The following HTRA3 variants were observed in gnomAD, a reference collection of about 807,000 sequenced individuals.
The protein encoded by HTRA3 is HtrA serine peptidase 3.
In HTRA3, 41 loss-of-function variants were observed where a neutral mutation model predicts 43.2. That is an observed-to-expected ratio of 0.95 (90% CI 0.74 to 1.23). HTRA3 has a LOEUF of 1.23. Among genes scored for constraint, HTRA3 ranks in the 50% most tolerant of loss-of-function variants. The pLI is 0.00. For synonymous variants in HTRA3, 295 were observed against 287.9 expected, an observed-to-expected ratio of 1.02 and a Z score of -0.25; for missense variants, 628 against 647.1, an observed-to-expected ratio of 0.97 and a Z score of 0.32.
chr4:8,290,317 A>G (rs1314248225), intron 3 of HTRA3, among the ~76,000 whole-genome samples: 1 of 152,218 alleles, frequency 6.6e-6, no homozygotes, highest in African/African-American at 2.4e-5. Flanking sequence ...CTTATTTGAC[A>G]TGATGGTGTA....
intron 3 of HTRA3, among the ~76,000 whole-genome samples, chr4:8,290,088 C>T (rs1436832178): frequency 1.3e-5 from 2 of 152,236 alleles, no homozygotes; most frequent in Admixed American, 6.5e-5. Context: ...GTCATCTCTC[C>T]GGGCCCTCAC....
At chr4:8,288,247 T>C (rs1713071759) in intron 3 of HTRA3, among the ~76,000 whole-genome samples, 1 of 152,138 alleles carries the variant, frequency 6.6e-6, no homozygotes, top group Admixed American at 6.5e-5. Flanking sequence ...CACTGAGGGG[T>C]GTGCTCACGG....
rs534286316 is a variant in HTRA3, at chr4:8,290,183, G to A, written c.709-1187G>A. ...TCTTGAGCACAGAGAATAGAGGAGC[G>A]GCCTGAGTCTTTCCCACACCAGCGC... On this transcript the variant is annotated intron_variant, in intron 3 of 8. Coordinates refer to ENST00000307358, the MANE Select transcript of HTRA3 (RefSeq NM_053044.5). Among the ~76,000 whole-genome samples the A allele has an allele frequency of 2.4e-4, 36 of 152,362 alleles. No individual in the cohort carries two copies. The South Asian group carries it at 5.8e-3, about 25-fold the overall frequency.
In HTRA3 at chr4:8,305,976, G is replaced by A; in HGVS notation, c.1202G>A (p.Gly401Asp). ...CCCGTCTCTCCTGTTGGCAGAGGCG[G>A]CATCCAAGATGGTGACATCATCGTC... ...VAPNSPSQRG[G>D]IQDGDIIVKV... The change falls in exon 9 of 9, where the codon GGC becomes GAC. Residue 401 changes from glycine to aspartate, a missense_variant. Physicochemically the swap from Gly to Asp is moderately conservative, Grantham distance 94. Coordinates refer to ENST00000307358, the MANE Select transcript of HTRA3 (RefSeq NM_053044.5). The A allele has an allele frequency of 1.2e-6, 2 of 1,611,542 alleles. No individual in the cohort carries two copies. Among genetic ancestry groups the A allele is most frequent in the Non-Finnish European group, 8.5e-7 (1 of 1,179,404 alleles).
At chr4:8,275,266 AC>A (rs1455199762) in intron 1 of HTRA3, among the ~76,000 whole-genome samples, 20 of 152,150 alleles carry the variant, frequency 1.3e-4, no homozygotes, top group Admixed American at 1.3e-3. Flanking sequence ...TCTTCCCCCG[AC>A]AGGCCTCTGC....
intron 2 of HTRA3, among the ~76,000 whole-genome samples, chr4:8,285,066 G>A (rs1366314629): frequency 2.6e-5 from 4 of 152,202 alleles, no homozygotes; most frequent in African/African-American, 4.8e-5. Flanking sequence ...TCCTTGGTAC[G>A]CCTCGGCCCT....
chr4:8,282,568 C>T, intron 2 of HTRA3, 32 bp downstream of exon 2: 1 of 1,493,388 alleles, frequency 6.7e-7, no homozygotes, highest in Non-Finnish European at 9.3e-7. Flanking sequence ...CTCTCTGCCT[C>T]CTGGTGTCCC....
chr4:8,305,967 G>A lies in HTRA3; in HGVS notation c.1197-4G>A, dbSNP rs1162463311. On this transcript the variant is annotated splice_region_variant and splice_polypyrimidine_tract_variant and intron_variant, in intron 8 of 8. Transcript: ENST00000307358. Reference sequence around the variant, plus strand: ...GGTGGTGACCCCGTCTCTCCTGTTGGCAGAGGCGGCATCCAAGATGGTGAC... The same window carrying A: ...GGTGGTGACCCCGTCTCTCCTGTTGACAGAGGCGGCATCCAAGATGGTGAC... 6.2e-7 allele frequency: 1 copy of A among 1,610,960 alleles called. No individual in the cohort carries two copies. Among genetic ancestry groups the A allele is most frequent in the South Asian group, 1.1e-5 (1 of 90,782 alleles).
At chr4:8,288,928 TCCTTCCTC>T (rs1336656138) in intron 3 of HTRA3, among the ~76,000 whole-genome samples, 7 of 143,374 alleles carry the variant, frequency 4.9e-5, no homozygotes, top group South Asian at 2.3e-4. Context: ...CTTCCTTCCT[TCCTTCCTC>T]CCTTCCTCCC....
intron 2 of HTRA3, among the ~76,000 whole-genome samples, chr4:8,284,247 G>A (rs1212456054): frequency 2.6e-5 from 4 of 152,188 alleles, no homozygotes; most frequent in East Asian, 1.9e-4. Context: ...CTCGAGCCCC[G>A]GGCCCTGAGA....
At chr4:8,301,552 TTTAA>T (rs1477932878) in intron 6 of HTRA3, among the ~76,000 whole-genome samples, 1 of 152,164 alleles carries the variant, frequency 6.6e-6, no homozygotes, top group Non-Finnish European at 1.5e-5. Context: ...GATTCAGACT[TTTAA>T]TTATTTTTTT....
At chr4:8,288,017 C>T (rs1713065082) in intron 3 of HTRA3, among the ~76,000 whole-genome samples, 3 of 152,202 alleles carry the variant, frequency 2.0e-5, no homozygotes, top group Admixed American at 2.0e-4. Context: ...GGAAGTTCAC[C>T]TTGGCTGGTT....
At chr4:8,302,831 C>T (rs371207371) in intron 7 of HTRA3, among the ~76,000 whole-genome samples, 81 of 152,348 alleles carry the variant, frequency 5.3e-4, no homozygotes, top group African/African-American at 1.9e-3. Flanking sequence ...GTCAAGGGGT[C>T]GGCAGGGCTG....
chr4:8,303,809 GTGACTCAGCATTGTCTGTCCATTCCA>G (rs1560144320), intron 7 of HTRA3, among the ~76,000 whole-genome samples: 8 of 143,884 alleles, frequency 5.6e-5, no homozygotes, highest in East Asian at 5.0e-4. Context: ...TGTACGTTCC[GTGACTCAGCATTGTCTGTCCATTCCA>G]TGACTCAGCA....
At chr4:8,282,195 C>T (rs1712774856) in intron 1 of HTRA3, among the ~76,000 whole-genome samples, 1 of 152,168 alleles carries the variant, frequency 6.6e-6, no homozygotes, top group African/African-American at 2.4e-5. Flanking sequence ...GTGAGGAAGC[C>T]CAGCACGTGG....
chr4:8,298,639 A>T (rs1424345260), intron 6 of HTRA3, among the ~76,000 whole-genome samples: 1 of 152,066 alleles, frequency 6.6e-6, no homozygotes, highest in Non-Finnish European at 1.5e-5. Context: ...GAGGTTTCAG[A>T]TTTAGGACTG....
intron 1 of HTRA3, among the ~76,000 whole-genome samples, chr4:8,272,948 CA>C (rs376454489): frequency 1.4e-3 from 216 of 152,320 alleles, no homozygotes; most frequent in Middle Eastern, 0.01. Context: ...CTTGGACAGC[CA>C]GCTTTCGGCA....
At chr4:8,291,121 G>T (rs1713219736) in intron 3 of HTRA3, among the ~76,000 whole-genome samples, 1 of 152,180 alleles carries the variant, frequency 6.6e-6, no homozygotes, top group Admixed American at 6.5e-5. Flanking sequence ...ACCCATGCCT[G>T]CCCTGGGGGA....
At position 8,270,367 on chromosome 4, in the gene HTRA3, G is replaced by T; in HGVS notation, c.385+14G>T. On this transcript the variant is annotated intron_variant, in intron 1 of 8. Transcript: ENST00000307358. ...CCTGCCCGTTGGGTAAGCGCTCGGG[G>T]GCCAGGGAGGAAGTGAAGCTTCTTT... 1 of 1,389,134 alleles carries T rather than the reference G, an allele frequency of 7.2e-7. No homozygotes were observed. The highest frequency in any genetic ancestry group is 1.5e-5 in the South Asian group (1 of 64,754). The allele number at this position is 1,389,134 out of a possible 1,614,324, so 86.1% of individuals were successfully genotyped here.
Sources: allele counts gnomAD v4.1 joint callset (sites outside exome capture counted in the v4.1 genomes callset), GRCh38; gene constraint gnomAD v4.1.1; transcripts MANE v1.5; gene names NCBI Gene and HGNC (gene_info 2026-07-23, HGNC 2026-07-21).